The following GALNT13 variants were observed in gnomAD, a reference collection of about 807,000 sequenced individuals.
GALNT13 encodes the protein UDP-GalNAc:polypeptide N-acetylgalactosaminyltransferase 13.
GALNT13 carries 28 observed loss-of-function variants against 64.2 expected under a neutral mutation model. The ratio of observed to expected loss-of-function variants is 0.44; its 90% CI spans 0.32 to 0.60. GALNT13 has a LOEUF of 0.60. Among genes scored for constraint, GALNT13 ranks in the 20% least tolerant of loss-of-function variants. The pLI, the probability that GALNT13 is intolerant of heterozygous loss-of-function variation, is 0.05. For missense variants in GALNT13, 577 were observed against 669.8 expected (o/e 0.86, Z 1.53); for synonymous variants, 214 against 224.6 (o/e 0.95, Z 0.42).
At chr2:153,966,594 T>A (rs2105111776) in intron 3 of GALNT13, among the ~76,000 whole-genome samples, 1 of 152,190 alleles carries the variant, frequency 6.6e-6, no homozygotes, top group South Asian at 2.1e-4. Context: ...GGTCTCGATC[T>A]CATGACCTCG....
chr2:154,168,713 G>C (rs1244991301), intron 4 of GALNT13, among the ~76,000 whole-genome samples: 2 of 151,392 alleles, frequency 1.3e-5, no homozygotes, highest in Admixed American at 6.6e-5. Context: ...CATGGTGGTG[G>C]GTGCCTGTAA....
the GALNT13 span, among the ~76,000 whole-genome samples, chr2:153,434,795 T>C: frequency 5.4e-4 from 82 of 152,174 alleles, no homozygotes; most frequent in Non-Finnish European, 9.0e-4. Flanking sequence ...TTCACTCTGA[T>C]GGTAGTTTCT....
chr2:153,505,141 A>T, the GALNT13 span, among the ~76,000 whole-genome samples: 2 of 151,938 alleles, frequency 1.3e-5, no homozygotes, highest in African/African-American at 4.8e-5. Flanking sequence ...TGTCCATCTC[A>T]TTTAGGTTTT....
intron 2 of GALNT13, among the ~76,000 whole-genome samples, chr2:153,941,570 A>G (rs1234012177): frequency 2.0e-5 from 3 of 152,208 alleles, no homozygotes; most frequent in Non-Finnish European, 2.9e-5. Context: ...TAGAAACATA[A>G]TACAGATGCT....
At chr2:153,182,571 A>G in the GALNT13 span, among the ~76,000 whole-genome samples, 96 of 152,272 alleles carry the variant, frequency 6.3e-4, no homozygotes, top group African/African-American at 2.2e-3. Context: ...CCCAGCATCC[A>G]TTAGCTATTC....
chr2:153,403,121 T>TA, the GALNT13 span, among the ~76,000 whole-genome samples: 8 of 151,724 alleles, frequency 5.3e-5, no homozygotes, highest in Non-Finnish European at 7.4e-5. Context: ...GGATGTCCTT[T>TA]ATGTTTGTTA....
chr2:154,010,929 A>G (rs952049913), intron 3 of GALNT13, among the ~76,000 whole-genome samples: 10 of 151,828 alleles, frequency 6.6e-5, no homozygotes, highest in African/African-American at 1.4e-4. Context: ...GTGTATTTCT[A>G]TGGGGTCAGT....
chr2:154,013,903 G>T (rs962972989), intron 3 of GALNT13, among the ~76,000 whole-genome samples: 2 of 152,132 alleles, frequency 1.3e-5, no homozygotes, highest in East Asian at 1.9e-4. Flanking sequence ...GGCAGAGTCC[G>T]GTCTGCTGGA....
chr2:153,350,630 G>A, the GALNT13 span, among the ~76,000 whole-genome samples: 3 of 151,926 alleles, frequency 2.0e-5, no homozygotes, highest in African/African-American at 4.8e-5. Context: ...TGATCCACCC[G>A]CCTCAGCTTC....
chr2:154,175,617 A>C (rs1685603334), intron 4 of GALNT13, among the ~76,000 whole-genome samples: 1 of 152,204 alleles, frequency 6.6e-6, no homozygotes, highest in African/African-American at 2.4e-5. Flanking sequence ...AAATCTTGTT[A>C]AAACTATAGA....
the GALNT13 span, among the ~76,000 whole-genome samples, chr2:153,126,014 G>C: frequency 6.6e-6 from 1 of 151,938 alleles, no homozygotes; most frequent in African/African-American, 2.4e-5. Context: ...TGGGCCTTTG[G>C]TCATTCTAGT....
chr2:153,927,103 C>G (rs982943154), intron 2 of GALNT13, among the ~76,000 whole-genome samples: 4 of 151,932 alleles, frequency 2.6e-5, no homozygotes, highest in South Asian at 2.1e-4. Flanking sequence ...GGAGAAATTA[C>G]TAGTTCAAAG....
chr2:154,367,552 A>G (rs754998562), intron 9 of GALNT13, among the ~76,000 whole-genome samples: 3 of 152,120 alleles, frequency 2.0e-5, no homozygotes, highest in African/African-American at 2.4e-5. Context: ...ATTATGTACC[A>G]TTTCACTACT....
chr2:153,138,783 G>T, the GALNT13 span, among the ~76,000 whole-genome samples: 53 of 152,042 alleles, frequency 3.5e-4, no homozygotes, highest in African/African-American at 1.2e-3. Flanking sequence ...CACAGCTTTC[G>T]CAATCTCTTG....
chr2:153,120,522 A>T, the GALNT13 span, among the ~76,000 whole-genome samples: 1 of 152,196 alleles, frequency 6.6e-6, no homozygotes, highest in Non-Finnish European at 1.5e-5. Context: ...TGCAGCAGCT[A>T]CTTTTAATAT....
At chr2:153,219,934 A>T in the GALNT13 span, among the ~76,000 whole-genome samples, 2 of 152,336 alleles carry the variant, frequency 1.3e-5, no homozygotes, top group East Asian at 3.9e-4. Context: ...TAAAATGTAC[A>T]TGCCTTGAGC....
the GALNT13 span, among the ~76,000 whole-genome samples, chr2:153,428,613 G>T: frequency 3.3e-5 from 5 of 152,284 alleles, no homozygotes; most frequent in East Asian, 9.7e-4. Context: ...TAAAGTTCCA[G>T]TGGTGGACAA....
At chr2:154,055,739 ATCT>A (rs1375436847) in intron 3 of GALNT13, among the ~76,000 whole-genome samples, 2 of 152,142 alleles carry the variant, frequency 1.3e-5, no homozygotes, top group African/African-American at 2.4e-5. Context: ...ATTCAAAAAC[ATCT>A]TCTTAAATTA....
At chr2:153,709,762 T>C in the GALNT13 span, among the ~76,000 whole-genome samples, 1 of 152,044 alleles carries the variant, frequency 6.6e-6, no homozygotes, top group South Asian at 2.1e-4. Context: ...AACAAATGGA[T>C]ACAGAAAATG....
Sources: gnomAD v4.1 joint callset for allele counts (sites outside exome capture counted in the v4.1 genomes callset) on GRCh38, gnomAD v4.1.1 for gene constraint, MANE v1.5 for transcripts, NCBI Gene and HGNC (gene_info 2026-07-23, HGNC 2026-07-21) for gene names.